Variants in RANBP3 observed in about 807,000 individuals in gnomAD.
RANBP3 encodes RAN binding protein 3.
In RANBP3, 14 loss-of-function variants were observed where a neutral mutation model predicts 77.3. That is an observed-to-expected ratio of 0.18 (90% confidence interval 0.12 to 0.28). RANBP3 has a LOEUF of 0.28. Ranked by LOEUF, RANBP3 falls within the 10% of genes least tolerant of loss-of-function variation. The pLI is 1.00. For synonymous variants in RANBP3, 315 were observed against 312.4 expected (o/e 1.01, Z -0.09); for missense variants, 586 against 752.3 (o/e 0.78, Z 2.59).
chr19:5,961,330 C>A (rs987555610), intron 1 of RANBP3, among the ~76,000 whole-genome samples: 2 of 151,878 alleles, frequency 1.3e-5, no homozygotes, highest in African/African-American at 2.4e-5. Context: ...TTAGTCCCAG[C>A]AACTCGGGAG....
chr19:5,967,882 C>T (rs1002007023), intron 1 of RANBP3, among the ~76,000 whole-genome samples: 3 of 151,996 alleles, frequency 2.0e-5, no homozygotes, highest in African/African-American at 7.2e-5. Context: ...TTAGCTGGGC[C>T]TGGTGGGATA....
intron 1 of RANBP3, among the ~76,000 whole-genome samples, chr19:5,974,153 T>C (rs2058561444): frequency 6.6e-6 from 1 of 152,104 alleles, no homozygotes; most frequent in African/African-American, 2.4e-5. Context: ...ACCGTGCTGC[T>C]AAGGATCCTG....
chr19:5,971,460 G>A (rs375577763), intron 1 of RANBP3, among the ~76,000 whole-genome samples: 8 of 152,052 alleles, frequency 5.3e-5, no homozygotes, highest in East Asian at 1.9e-4. Flanking sequence ...CACTGTGCCC[G>A]GCCTGAATTC....
At chr19:5,925,088 A>G in intron 10 of RANBP3, 183 bp from the exon 11 acceptor site, 1 of 630,926 alleles carries the variant, frequency 1.6e-6, no homozygotes, top group Non-Finnish European at 2.8e-6. Flanking sequence ...GAAAACATTA[A>G]CCCTTAGCTC....
In RANBP3 at chr19:5,920,660, G is replaced by T. The variant is rs191241566; in HGVS notation, c.1330+541C>A. Reference sequence around the variant, plus strand: ...TCTCCCAAGTTCACGCAATTCTCCTGCCTCAGCCTCCCGAGTAGCTGGGAT... The same window carrying T: ...TCTCCCAAGTTCACGCAATTCTCCTTCCTCAGCCTCCCGAGTAGCTGGGAT... On this transcript the variant is annotated intron_variant, in intron 14 of 16. Coordinates refer to ENST00000340578, the MANE Select transcript of RANBP3 (RefSeq NM_007322.3). Among the ~76,000 whole-genome samples the T allele has an allele frequency of 2.7e-3, 409 of 152,184 alleles. 1 individual carries two copies. Among genetic ancestry groups the T allele is most frequent in the South Asian group, 5.2e-3 (25 of 4,824 alleles).
intron 3 of RANBP3, among the ~76,000 whole-genome samples, chr19:5,944,930 T>C (rs116807132): frequency 0.014 from 2,104 of 152,294 alleles, 46 homozygotes; most frequent in African/African-American, 0.046. Flanking sequence ...CCTTCCTAAA[T>C]GACTTCTGGG....
chr19:5,919,281 G>A (rs969133062), intron 14 of RANBP3, among the ~76,000 whole-genome samples: 1 of 152,190 alleles, frequency 6.6e-6, no homozygotes, highest in Non-Finnish European at 1.5e-5. Flanking sequence ...CCTGGCCTGG[G>A]CCCACCCCGT....
At chr19:5,946,064 C>T (rs183758725) in intron 3 of RANBP3, among the ~76,000 whole-genome samples, 1 of 152,298 alleles carries the variant, frequency 6.6e-6, no homozygotes, top group East Asian at 1.9e-4. Flanking sequence ...CTGCTCCTGC[C>T]TCACTGAGTG....
rs561028130 is a variant in RANBP3, at chr19:5,918,652, G to C, written c.1331-14C>G. 66 of 1,612,768 alleles carry C rather than the reference G, an allele frequency of 4.1e-5. No individual in the cohort carries two copies. In the South Asian group the frequency reaches 7.1e-4, roughly 17 times the overall value. ...GGGTCCGCATCACTACAACCAACAA[G>C]GCCACTCAGCCCTGGCCCCCACACC... On this transcript the variant is annotated splice_polypyrimidine_tract_variant and intron_variant, in intron 14 of 16. Transcript: ENST00000340578.
chr19:5,916,494 T>C lies in RANBP3; in HGVS notation c.*1116A>G, dbSNP rs1411695755. ...CCAGGTGGGTGGTGCAAGCTGGCTC[T>C]TGGCCATGCTCCAGGCTCGGGTGGG... On this transcript the variant is annotated 3_prime_UTR_variant, in exon 17 of 17. Coordinates refer to ENST00000340578, the MANE Select transcript of RANBP3 (RefSeq NM_007322.3). The C allele has an allele frequency of 6.6e-6, 1 of 152,334 alleles. No homozygotes were observed. The highest frequency in any genetic ancestry group is 6.5e-5 in the Admixed American group (1 of 15,292). The allele number at this position is 152,334 out of a possible 1,614,324, so 9.4% of individuals were successfully genotyped here. A position where few individuals can be genotyped will look rare whatever the true frequency, so the allele number is the denominator to read the frequency against.
At position 5,916,742 on chromosome 19, in the gene RANBP3, CAGAT is replaced by C. The variant is rs1360309780; in HGVS notation, c.*864_*867del. ...TGCCTGATGATGGTGAACCACGTGA[CAGAT>C]GGAGACGGGAGTCAGGGGACCCTGG... On this transcript the variant is annotated 3_prime_UTR_variant, in exon 17 of 17. Coordinates refer to ENST00000340578, the MANE Select transcript of RANBP3 (RefSeq NM_007322.3). 6.6e-6 allele frequency: 1 copy of C among 152,428 alleles called. No homozygotes were observed. The highest frequency in any genetic ancestry group is 2.4e-5 in the African/African-American group (1 of 41,464). 9.4% of individuals were successfully genotyped at this position (152,428 alleles called of 1,614,324 possible).
chr19:5,952,165 C>G lies in RANBP3; in HGVS notation c.79-569G>C, dbSNP rs1436519097. ...CATTTGTTCTGCTTACACCCAGGAT[C>G]CAGAAAGTGCTTTCCCACCTCGGTG... On this transcript the variant is annotated intron_variant, in intron 2 of 16. Coordinates refer to ENST00000340578, the MANE Select transcript of RANBP3 (RefSeq NM_007322.3). This position sits in a 1 kb window ranked among gnomAD's most constrained non-coding sequence, Gnocchi z 4.1. Among the ~76,000 whole-genome samples the G allele has an allele frequency of 1.3e-5, 2 of 152,160 alleles. No individual in the cohort carries two copies. Among genetic ancestry groups the G allele is most frequent in the Non-Finnish European group, 2.9e-5 (2 of 68,040 alleles).
intron 1 of RANBP3, among the ~76,000 whole-genome samples, chr19:5,970,215 A>G (rs1255101617): frequency 6.6e-6 from 1 of 152,210 alleles, no homozygotes; most frequent in African/African-American, 2.4e-5. Context: ...GAAACCTTGC[A>G]TTAATCTTGG....
At chr19:5,948,141 G>A (rs575047057) in intron 3 of RANBP3, among the ~76,000 whole-genome samples, 24 of 152,276 alleles carry the variant, frequency 1.6e-4, no homozygotes, top group Non-Finnish European at 2.2e-4. Flanking sequence ...CAGAAAGCAA[G>A]GCCATGTCAG....
chr19:5,918,332 GA>G, intron 15 of RANBP3, 163 bp downstream of exon 15: 1 of 789,040 alleles, frequency 1.3e-6, no homozygotes, highest in Non-Finnish European at 1.9e-6. Context: ...CTCTATTCCT[GA>G]AGGCTGGGAC....
In RANBP3 at chr19:5,978,050, G is replaced by T; in HGVS notation, c.22+11C>A. ...CGGCCGCCAGCCGGTCCCCAACGGC[G>T]CCTCCCCTACCTTCGTTCGCCAGGT... On this transcript the variant is annotated intron_variant, in intron 1 of 16. Coordinates refer to ENST00000340578, the MANE Select transcript of RANBP3 (RefSeq NM_007322.3). The T allele has an allele frequency of 6.2e-7, 1 of 1,609,502 alleles. No individual in the cohort carries two copies. The highest frequency in any genetic ancestry group is 8.5e-7 in the Non-Finnish European group (1 of 1,178,236).
intron 1 of RANBP3, chr19:5,974,536 T>A (rs1164288562): frequency 6.6e-6 from 1 of 152,116 alleles, no homozygotes; most frequent in East Asian, 1.9e-4. Flanking sequence ...ACACACTGTC[T>A]GAGAGGAAAA....
chr19:5,932,624 C>T (rs1386925088), intron 6 of RANBP3, 80 bp from the exon 7 acceptor site: 3 of 1,112,730 alleles, frequency 2.7e-6, no homozygotes, highest in Non-Finnish European at 4.0e-6. Flanking sequence ...CCCCTGGCAT[C>T]CCATTTCATG....
At chr19:5,927,370 T>C (rs1175925140) in intron 9 of RANBP3, among the ~76,000 whole-genome samples, 1 of 152,126 alleles carries the variant, frequency 6.6e-6, no homozygotes, top group African/African-American at 2.4e-5. Flanking sequence ...CACCCCACCC[T>C]GCCCCACTTA....
Sources: allele counts gnomAD v4.1 joint callset (sites outside exome capture counted in the v4.1 genomes callset), GRCh38; gene constraint gnomAD v4.1.1; non-coding constraint Gnocchi (gnomAD v3.1); transcripts MANE v1.5; gene names NCBI Gene and HGNC (gene_info 2026-07-23, HGNC 2026-07-21).